FBXL4: variants seen among roughly 807,000 people sequenced by gnomAD.
FBXL4 encodes F-box and leucine rich repeat protein 4, also known as F-box/LRR-repeat protein 4.
A neutral mutation model predicts 58.9 loss-of-function variants in FBXL4; 40 were observed. That is an observed-to-expected ratio of 0.68 (90% CI 0.53 to 0.88). The LOEUF (loss-of-function observed/expected upper bound fraction) is 0.88, where lower values mean the gene tolerates loss of function less well. Ranked by LOEUF, FBXL4 falls within the 40% of genes least tolerant of loss-of-function variation. The pLI is 0.00. For synonymous variants in FBXL4, 263 were observed against 265.5 expected, an observed-to-expected ratio of 0.99 and a Z score of 0.09; for missense variants, 676 against 734.4, an observed-to-expected ratio of 0.92 and a Z score of 0.92.
chr6:98,874,499 A>G (rs755922580), intron 9 of FBXL4, 58 bp from the exon 10 acceptor site: 61 of 1,519,980 alleles, frequency 4.0e-5, no homozygotes, highest in Non-Finnish European at 5.3e-5. Flanking sequence ...ACATTTATAT[A>G]ATGTGCTAAC....
At chr6:98,875,212 CCTCA>C (rs1203229325) in intron 9 of FBXL4, 199 bp downstream of exon 9, 4 of 589,968 alleles carry the variant, frequency 6.8e-6, no homozygotes, top group African/African-American at 1.9e-5. Context: ...TTGTTATTGT[CCTCA>C]CTATTTTATT....
At chr6:98,895,753 T>G (rs1436361407) in intron 7 of FBXL4, among the ~76,000 whole-genome samples, 1 of 152,176 alleles carries the variant, frequency 6.6e-6, no homozygotes, top group Non-Finnish European at 1.5e-5. Context: ...ACTTTGGGAC[T>G]AAAAATCCAG....
chr6:98,870,556 A>G lies in FBXL4; in HGVS notation c.*3722T>C, dbSNP rs961162103. On this transcript the variant is annotated 3_prime_UTR_variant, in exon 10 of 10. Transcript: ENST00000369244. ...TGCACTGCTACTTGGCACACTAAAA[A>G]CTGCAGTAATGCAGTTACCAGCATT... is the stretch of plus-strand genomic sequence containing the variant. 6.6e-6 allele frequency: 1 copy of G among 152,164 alleles called. No individual in the cohort carries two copies. Among genetic ancestry groups the G allele is most frequent in the Admixed American group, 6.5e-5 (1 of 15,274 alleles). The allele number at this position is 152,164 out of a possible 1,614,324, so 9.4% of individuals were successfully genotyped here. A position where few individuals can be genotyped will look rare whatever the true frequency, so the allele number is the denominator to read the frequency against.
chr6:98,924,466 A>G (rs1655344707), intron 4 of FBXL4, among the ~76,000 whole-genome samples: 1 of 152,104 alleles, frequency 6.6e-6, no homozygotes, highest in Admixed American at 6.5e-5. Flanking sequence ...CTGAGGCAGG[A>G]GAATCTCATT....
At chr6:98,940,681 C>A (rs1247577011) in intron 1 of FBXL4, among the ~76,000 whole-genome samples, 1 of 151,912 alleles carries the variant, frequency 6.6e-6, no homozygotes. Flanking sequence ...ACACTAGATA[C>A]AATTTCTTTG....
intron 7 of FBXL4, among the ~76,000 whole-genome samples, chr6:98,887,311 T>C (rs1017622593): frequency 2.6e-4 from 40 of 152,238 alleles, no homozygotes; most frequent in African/African-American, 8.2e-4. Context: ...AGAAAAAATA[T>C]TTATTGTCAA....
chr6:98,874,456 C>T lies in FBXL4; in HGVS notation c.1703-15G>A. 6.3e-7 allele frequency: 1 copy of T among 1,582,036 alleles called. No individual in the cohort carries two copies. Among genetic ancestry groups the T allele is most frequent in the Non-Finnish European group, 8.6e-7 (1 of 1,167,716 alleles). On this transcript the variant is annotated splice_polypyrimidine_tract_variant and intron_variant, in intron 9 of 9. Transcript: ENST00000369244. ...CATTCTTGTTCCTATTTAAGGGAAACAAAACAAAACAAAACAAAACACCTT... is the reference window on the plus strand; with the variant it reads ...CATTCTTGTTCCTATTTAAGGGAAATAAAACAAAACAAAACAAAACACCTT...
chr6:98,925,504 A>G (rs984890482), intron 4 of FBXL4, among the ~76,000 whole-genome samples: 3 of 152,246 alleles, frequency 2.0e-5, no homozygotes, highest in African/African-American at 7.2e-5. Context: ...ACTTGCACAC[A>G]TGCAAAGTGA....
At chr6:98,911,367 G>A (rs1344051035) in intron 5 of FBXL4, among the ~76,000 whole-genome samples, 1 of 152,174 alleles carries the variant, frequency 6.6e-6, no homozygotes, top group Non-Finnish European at 1.5e-5. Context: ...AGAACGGGCA[G>A]ACTGCCTCCT....
chr6:98,917,399 C>T lies in FBXL4; in HGVS notation c.833G>A (p.Gly278Glu). ...SAVLGEGPNN[G>E]YFDKLPYELI... ...CTCATAAGGTAGTTTATCAAAATAC[C>T]CATTATTTGGCCCTTCCCCGAGGAC... The change falls in exon 5 of 10, where the codon GGG (glycine) becomes GAG (glutamate). Residue 278 changes from glycine to glutamate, a missense_variant. Physicochemically the swap from Gly to Glu is moderately conservative, Grantham distance 98. Transcript: ENST00000369244. 1 of 1,606,962 alleles carries T rather than the reference C, an allele frequency of 6.2e-7. No homozygotes were observed. Among genetic ancestry groups the T allele is most frequent in the Admixed American group, 1.7e-5 (1 of 59,444 alleles).
intron 1 of FBXL4, among the ~76,000 whole-genome samples, chr6:98,936,460 T>C (rs889241026): frequency 2.6e-5 from 4 of 152,334 alleles, no homozygotes; most frequent in African/African-American, 7.2e-5. Flanking sequence ...TCCACTTATA[T>C]GTGCCTTTTC....
At chr6:98,916,491 A>G (rs1252007105) in intron 5 of FBXL4, among the ~76,000 whole-genome samples, 1 of 152,088 alleles carries the variant, frequency 6.6e-6, no homozygotes, top group Admixed American at 6.5e-5. Context: ...GCAGCCATAA[A>G]AAATGATGAG....
At chr6:98,883,976 A>G (rs1770941718) in intron 7 of FBXL4, among the ~76,000 whole-genome samples, 1 of 151,552 alleles carries the variant, frequency 6.6e-6, no homozygotes, top group Non-Finnish European at 1.5e-5. Context: ...TCTCCCCTCC[A>G]TGGTCATTAG....
chr6:98,936,213 T>G (rs1033095540), intron 1 of FBXL4, among the ~76,000 whole-genome samples: 4 of 152,246 alleles, frequency 2.6e-5, no homozygotes, highest in African/African-American at 9.6e-5. Context: ...AGCATATAAT[T>G]TGATGAGTTT....
chr6:98,940,561 T>C (rs1489211257), intron 1 of FBXL4, among the ~76,000 whole-genome samples: 4 of 152,168 alleles, frequency 2.6e-5, no homozygotes. Flanking sequence ...ACATGGAACA[T>C]CTTTTCACGT....
At chr6:98,878,955 G>A (rs1380112891) in intron 8 of FBXL4, among the ~76,000 whole-genome samples, 1 of 152,158 alleles carries the variant, frequency 6.6e-6, no homozygotes, top group Non-Finnish European at 1.5e-5. Context: ...GGAAAATCTA[G>A]TGGGCTCCCA....
chr6:98,929,087 G>A (rs1041907893), intron 2 of FBXL4, among the ~76,000 whole-genome samples: 1 of 152,156 alleles, frequency 6.6e-6, no homozygotes, highest in Non-Finnish European at 1.5e-5. Flanking sequence ...TATTTGACAT[G>A]TTGATAGGTG....
Position 98,926,498 on chromosome 6 carries a change from G to A in FBXL4, c.491C>T (p.Pro164Leu), listed in dbSNP as rs764357914. ...ILACSANPYS[P>L]NPPAEVRWEI... Reference sequence around the variant, plus strand: ...TTACCTTACTTCAGCTGGTGGATTTGGGGAATAAGGATTTGCAGAACAAGC... The same window carrying A: ...TTACCTTACTTCAGCTGGTGGATTTAGGGAATAAGGATTTGCAGAACAAGC... Residue 164 changes from proline to leucine, a missense_variant, in exon 4 of 10, where the codon CCA becomes CTA. Physicochemically the swap from Pro to Leu is moderately conservative, Grantham distance 98. Transcript: ENST00000369244. 8 of 1,607,976 alleles carry A rather than the reference G, an allele frequency of 5.0e-6. No individual in the cohort carries two copies. The highest frequency in any genetic ancestry group is 1.7e-5 in the Admixed American group (1 of 59,754).
intron 6 of FBXL4, among the ~76,000 whole-genome samples, chr6:98,904,609 T>C (rs975798560): frequency 4.6e-5 from 7 of 152,150 alleles, no homozygotes; most frequent in African/African-American, 1.7e-4. Context: ...ATTGCTACAG[T>C]TCACTTTTCA....
Sources: gnomAD v4.1 joint callset for allele counts (sites outside exome capture counted in the v4.1 genomes callset) on GRCh38, gnomAD v4.1.1 for gene constraint, MANE v1.5 for transcripts, NCBI Gene and HGNC (gene_info 2026-07-23, HGNC 2026-07-21) for gene names.